The following ZYG11B variants were observed in gnomAD, a reference collection of about 807,000 sequenced individuals.
ZYG11B encodes the protein zyg-11 family member B, cell cycle regulator.
A neutral mutation model predicts 82.4 loss-of-function variants in ZYG11B; 36 were observed. That is an observed-to-expected ratio of 0.44 (90% CI 0.33 to 0.58). The LOEUF (loss-of-function observed/expected upper bound fraction) is 0.58. ZYG11B is among the 20% of genes least tolerant of loss of function. The probability of loss-of-function intolerance (pLI) is 0.02; values close to 1 mark genes in which losing one functional copy is unlikely to be tolerated. For missense variants in ZYG11B, 552 were observed against 895.6 expected (o/e 0.62, Z 4.90); for synonymous variants, 303 against 312.8 (o/e 0.97, Z 0.33).
At chr1:52,799,718 C>G (rs1001339976) in intron 8 of ZYG11B, among the ~76,000 whole-genome samples, 2 of 151,892 alleles carry the variant, frequency 1.3e-5, no homozygotes, top group African/African-American at 2.4e-5. Context: ...TCGCTTGAAT[C>G]GGGAAGGTGG....
At position 52,821,470 on chromosome 1, in the gene ZYG11B, A is replaced by C. The variant is rs1645283211; in HGVS notation, c.2076A>C (p.Glu692Asp). ...PSRYCSMLIE[E>D]GGLQHLYNIK... ...GGTATTGCAGCATGCTGATTGAAGA[A>C]GGAGGATTGCAGCATTTATACAACA... is the stretch of plus-strand genomic sequence containing the variant. Residue 692 changes from glutamate (E) to aspartate (D), a missense_variant, in exon 14 of 14, where the codon GAA becomes GAC. Glu to Asp is a conservative substitution (Grantham distance 45). This residue lies in a region of ZYG11B where 127 missense variants were observed against 163.4 expected (regional missense o/e 0.78). Transcript: ENST00000294353. 1.2e-6 allele frequency: 2 copies of C among 1,605,330 alleles called. No homozygotes were observed. The highest frequency in any genetic ancestry group is 1.7e-6 in the Non-Finnish European group (2 of 1,174,836).
At chr1:52,803,249 CATATATATATATAT>C (rs202177836) in intron 10 of ZYG11B, among the ~76,000 whole-genome samples, 1 of 44,414 alleles carries the variant, frequency 2.3e-5, no homozygotes, top group Admixed American at 2.9e-4. Flanking sequence ...TACACACACA[CATATATATATATAT>C]ATACACACAC....
chr1:52,739,686 A>G (rs1043948999), intron 1 of ZYG11B, among the ~76,000 whole-genome samples: 1 of 151,948 alleles, frequency 6.6e-6, no homozygotes, highest in Middle Eastern at 3.2e-3. Context: ...CAGTAGCATG[A>G]TCTTGGCTCA....
At chr1:52,803,691 T>C (rs1199854228) in intron 10 of ZYG11B, among the ~76,000 whole-genome samples, 1 of 152,170 alleles carries the variant, frequency 6.6e-6, no homozygotes, top group Non-Finnish European at 1.5e-5. Context: ...AGCCTTGACC[T>C]GCCAGACTCA....
At position 52,825,018 on chromosome 1, in the gene ZYG11B, A is replaced by G. The variant is rs1198206681; in HGVS notation, c.*3389A>G. On this transcript the variant is annotated 3_prime_UTR_variant, in exon 14 of 14. Transcript: ENST00000294353. ...ATATCACTACATCAGTCCACAAGCAACATTAAGGAAATCTAAAGGAAATGG... is the reference window on the plus strand; with the variant it reads ...ATATCACTACATCAGTCCACAAGCAGCATTAAGGAAATCTAAAGGAAATGG... 2 of 152,148 alleles carry G rather than the reference A, an allele frequency of 1.3e-5. No individual in the cohort carries two copies. The highest frequency in any genetic ancestry group is 4.8e-5 in the African/African-American group (2 of 41,424). The allele number at this position is 152,148 out of a possible 1,614,324, so 9.4% of individuals were successfully genotyped here. A position where few individuals can be genotyped will look rare whatever the true frequency, so the allele number is the denominator to read the frequency against.
In ZYG11B at chr1:52,726,519, G is replaced by C. The variant is rs989115804; in HGVS notation, c.-135G>C. 5 of 821,358 alleles carry C rather than the reference G, an allele frequency of 6.1e-6. No homozygotes were observed. In the African/African-American group the frequency reaches 7.6e-5, roughly 12 times the overall value. 50.9% of individuals were successfully genotyped at this position (821,358 alleles called of 1,614,324 possible). A position where few individuals can be genotyped will look rare whatever the true frequency, so the allele number is the denominator to read the frequency against. ...TGCGGCTGCTACTGCTACGCTCCTA[G>C]CTTGAGGGAAAGAGGCCGAGGCCTG... On this transcript the variant is annotated 5_prime_UTR_variant, in exon 1 of 14. Transcript: ENST00000294353.
intron 1 of ZYG11B, among the ~76,000 whole-genome samples, chr1:52,737,932 A>G (rs1644391442): frequency 6.6e-6 from 1 of 152,254 alleles, no homozygotes; most frequent in Non-Finnish European, 1.5e-5. Context: ...ATGTTAGATC[A>G]GATAGTTTCT....
intron 10 of ZYG11B, among the ~76,000 whole-genome samples, chr1:52,811,469 T>A (rs1645182219): frequency 6.6e-6 from 1 of 152,142 alleles, no homozygotes; most frequent in South Asian, 2.1e-4. Context: ...TGGTTTCTAT[T>A]TCTTTTTGTG....
chr1:52,748,964 G>A (rs1244037794), intron 1 of ZYG11B, among the ~76,000 whole-genome samples: 1 of 151,600 alleles, frequency 6.6e-6, no homozygotes, highest in Non-Finnish European at 1.5e-5. Flanking sequence ...ACTTTGGGAG[G>A]CTAAGGCAGG....
chr1:52,776,212 T>C (rs1644804314), intron 3 of ZYG11B, among the ~76,000 whole-genome samples: 2 of 10,266 alleles, frequency 1.9e-4, no homozygotes, highest in South Asian at 4.7e-3. Context: ...AGAGCAAAAC[T>C]CTGTCTTAAA....
intron 2 of ZYG11B, among the ~76,000 whole-genome samples, chr1:52,763,274 T>C (rs1423078340): frequency 2.0e-5 from 3 of 152,214 alleles, no homozygotes; most frequent in Non-Finnish European, 4.4e-5. Flanking sequence ...GCTTGGGCTA[T>C]TCATGGTCTT....
At chr1:52,775,516 C>A (rs1178016904) in intron 3 of ZYG11B, among the ~76,000 whole-genome samples, 1 of 151,404 alleles carries the variant, frequency 6.6e-6, no homozygotes, top group Admixed American at 6.6e-5. Context: ...CGTGGTGAAA[C>A]CCCGTCTCTA....
intron 8 of ZYG11B, among the ~76,000 whole-genome samples, chr1:52,798,465 G>A (rs574393231): frequency 2.6e-4 from 40 of 152,116 alleles, no homozygotes; most frequent in African/African-American, 8.4e-4. Flanking sequence ...TTAAAAATTA[G>A]CCAGCCATGG....
chr1:52,788,832 G>C (rs1054605553), intron 5 of ZYG11B, among the ~76,000 whole-genome samples: 3 of 152,200 alleles, frequency 2.0e-5, no homozygotes, highest in African/African-American at 7.2e-5. Flanking sequence ...TCCAGCTAAA[G>C]GAACAGGAGG....
chr1:52,759,080 C>T (rs1461226224), intron 2 of ZYG11B, among the ~76,000 whole-genome samples: 2 of 151,968 alleles, frequency 1.3e-5, no homozygotes, highest in Admixed American at 6.6e-5. Context: ...TACAGGTGCC[C>T]ACCAACACGC....
At chr1:52,809,970 T>C (rs1645169954) in intron 10 of ZYG11B, among the ~76,000 whole-genome samples, 1 of 152,212 alleles carries the variant, frequency 6.6e-6, no homozygotes. Context: ...TTGGTAGTTT[T>C]TGATTGAATG....
chr1:52,781,552 C>T (rs1644856811), intron 4 of ZYG11B, among the ~76,000 whole-genome samples: 1 of 152,040 alleles, frequency 6.6e-6, no homozygotes, highest in Non-Finnish European at 1.5e-5. Context: ...AATTTAGATT[C>T]AGTAGGGCTA....
chr1:52,748,778 C>T (rs1231812904), intron 1 of ZYG11B, among the ~76,000 whole-genome samples: 1 of 151,954 alleles, frequency 6.6e-6, no homozygotes, highest in Non-Finnish European at 1.5e-5. Flanking sequence ...AGGAGAATCA[C>T]TTGAACTGGG....
At chr1:52,760,869 C>T (rs1251722483) in intron 2 of ZYG11B, among the ~76,000 whole-genome samples, 2 of 150,582 alleles carry the variant, frequency 1.3e-5, no homozygotes, top group African/African-American at 2.4e-5. Flanking sequence ...TTCATTTGAT[C>T]CTCCTGGCTT....
Sources: allele counts gnomAD v4.1 joint callset (sites outside exome capture counted in the v4.1 genomes callset), GRCh38; gene constraint gnomAD v4.1.1; regional missense constraint gnomAD v4.1.1; transcripts MANE v1.5; gene names NCBI Gene and HGNC (gene_info 2026-07-23, HGNC 2026-07-21).